The following PHACTR2 variants were observed in gnomAD, a reference collection of about 807,000 sequenced individuals.
PHACTR2 encodes the protein phosphatase and actin regulator 2.
Under a neutral mutation model 76.0 loss-of-function variants are expected in PHACTR2, and 30 were observed. That is an observed-to-expected ratio of 0.39 (90% CI 0.30 to 0.54). PHACTR2 has a LOEUF of 0.54. Ranked by LOEUF, PHACTR2 falls within the 20% of genes least tolerant of loss-of-function variation. The pLI, the probability that PHACTR2 is intolerant of heterozygous loss-of-function variation, is 0.61. For missense variants in PHACTR2, 696 were observed against 781.1 expected (o/e 0.89, Z 1.30); for synonymous variants, 292 against 292.5 (o/e 1.00, Z 0.02).
At chr6:143,727,137 C>G (rs959132257) in intron 2 of PHACTR2, among the ~76,000 whole-genome samples, 1 of 152,160 alleles carries the variant, frequency 6.6e-6, no homozygotes, top group African/African-American at 2.4e-5. Context: ...CCTCTCGTAA[C>G]TGTCATTCTA....
At chr6:143,567,648 C>T (rs1348584754) in intron 1 of PHACTR2, among the ~76,000 whole-genome samples, 1 of 152,246 alleles carries the variant, frequency 6.6e-6, no homozygotes, top group African/African-American at 2.4e-5. Context: ...ATCCACCTAC[C>T]TCTGCCTCTC....
intron 11 of PHACTR2, among the ~76,000 whole-genome samples, chr6:143,796,966 G>A (rs1182681375): frequency 6.6e-6 from 1 of 152,186 alleles, no homozygotes; most frequent in Admixed American, 6.5e-5. Context: ...TCTAGTTCTA[G>A]ATCCTTGAGG....
chr6:143,569,074 C>G (rs530724963), intron 1 of PHACTR2, among the ~76,000 whole-genome samples: 1 of 152,264 alleles, frequency 6.6e-6, no homozygotes, highest in East Asian at 1.9e-4. Context: ...TCTTCCCAAC[C>G]CATATTTGGA....
intron 1 of PHACTR2, among the ~76,000 whole-genome samples, chr6:143,693,293 A>G (rs1469675341): frequency 2.0e-5 from 3 of 152,026 alleles, no homozygotes; most frequent in Non-Finnish European, 4.4e-5. Flanking sequence ...GCTGGAGTGC[A>G]GTGGTGTGAT....
In PHACTR2 at chr6:143,743,305, G is replaced by T. The variant is rs1306139588; in HGVS notation, c.215-5680G>T. On this transcript the variant is annotated intron_variant, in intron 2 of 12. Coordinates refer to ENST00000440869, the MANE Select transcript of PHACTR2 (RefSeq NM_001100164.2). The surrounding 1 kb of genome is among the most constrained non-coding windows in gnomAD (Gnocchi z 5.0). ...ACTTTAACACCAGGCTTGCAAAAAAGAGATGGAAGGAAAGTGATGGGAAAA... is the reference window on the plus strand; with the variant it reads ...ACTTTAACACCAGGCTTGCAAAAAATAGATGGAAGGAAAGTGATGGGAAAA... Among the ~76,000 whole-genome samples, 1 of 152,214 alleles carries T rather than the reference G, an allele frequency of 6.6e-6. No individual in the cohort carries two copies. Among genetic ancestry groups the T allele is most frequent in the Non-Finnish European group, 1.5e-5 (1 of 68,034 alleles).
chr6:143,562,494 A>G lies in PHACTR2; in HGVS notation c.217+25287A>G, dbSNP rs578001705. On this transcript the variant is annotated intron_variant, in intron 1 of 11. Coordinates refer to the PHACTR2 transcript ENST00000367584. This position sits in a 1 kb window ranked among gnomAD's most constrained non-coding sequence, Gnocchi z 5.1. ...ACCAAGCCATGAGGAATCTGCTCCC[A>G]TGACGCAAACACCTCCCACCAGGCC... Among the ~76,000 whole-genome samples the G allele has an allele frequency of 7.2e-5, 11 of 152,256 alleles. No homozygotes were observed. In the South Asian group the frequency reaches 1.5e-3, roughly 20 times the overall value.
rs1006183356 is a variant in PHACTR2 at position 143,695,419 on chromosome 6, A to T, written c.47-16597A>T. 2.0e-5 allele frequency among the ~76,000 whole-genome samples: 3 copies of T among 152,260 alleles called. No homozygotes were observed. The highest frequency in any genetic ancestry group is 4.4e-5 in the Non-Finnish European group (3 of 68,056). On this transcript the variant is annotated intron_variant, in intron 1 of 12. Transcript: ENST00000440869. The surrounding 1 kb of genome is among the most constrained non-coding windows in gnomAD (Gnocchi z 4.4). ...AGTTGAGAACAGAACACTTGGATCC[A>T]AGACCCTATTTCAGATTCAACATTC...
rs1190732206 is a variant in PHACTR2, at chr6:143,688,783, G to A, written c.46+10574G>A. On this transcript the variant is annotated intron_variant, in intron 1 of 12. Transcript: ENST00000440869. The surrounding 1 kb of genome is among the most constrained non-coding windows in gnomAD (Gnocchi z 5.2). ...ACATGGACAACTGCAGTAGATTCCA[G>A]CTGCTCTCCTGCTTCTGTTCCCACC... is the stretch of plus-strand genomic sequence containing the variant. Among the ~76,000 whole-genome samples the A allele has an allele frequency of 6.6e-6, 1 of 152,150 alleles. No homozygotes were observed. The highest frequency in any genetic ancestry group is 1.5e-5 in the Non-Finnish European group (1 of 68,032).
intron 12 of PHACTR2, among the ~76,000 whole-genome samples, chr6:143,815,947 A>T (rs1776286582): frequency 6.6e-6 from 1 of 152,096 alleles, no homozygotes; most frequent in Non-Finnish European, 1.5e-5. Context: ...TTAAAATTAA[A>T]TTATAAAGGA....
intron 2 of PHACTR2, among the ~76,000 whole-genome samples, chr6:143,716,567 G>A (rs1233340382): frequency 6.6e-6 from 1 of 152,142 alleles, no homozygotes. Context: ...TCAAACTCCC[G>A]GGCTCAAGCA....
chr6:143,608,305 G>A lies in PHACTR2; in HGVS notation c.-5G>A, dbSNP rs867326436. 2.5e-6 allele frequency: 4 copies of A among 1,614,040 alleles called. No homozygotes were observed. The highest frequency in any genetic ancestry group is 3.4e-6 in the Non-Finnish European group (4 of 1,180,008). ...CTACAGAACTCGCCTCGCCACTCCT[G>A]AGACATGGACAACGCCGGTGGGTAA... On this transcript the variant is annotated 5_prime_UTR_variant, in exon 1 of 12. Coordinates refer to the PHACTR2 transcript ENST00000305766. This position sits in a 1 kb window ranked among gnomAD's most constrained non-coding sequence, Gnocchi z 4.6.
In PHACTR2 at chr6:143,793,143, T is replaced by C. The variant is rs2128480614; in HGVS notation, c.1845+4233T>C. On this transcript the variant is annotated intron_variant, in intron 11 of 12. Coordinates refer to ENST00000440869, the MANE Select transcript of PHACTR2 (RefSeq NM_001100164.2). This position sits in a 1 kb window ranked among gnomAD's most constrained non-coding sequence, Gnocchi z 4.4. ...TTGCCAAGTATGCAAGCAGGGAGAG[T>C]CTAAATGACTAACCACCCTCATGTG... Among the ~76,000 whole-genome samples the C allele has an allele frequency of 6.6e-6, 1 of 152,118 alleles. No homozygotes were observed. Among genetic ancestry groups the C allele is most frequent in the South Asian group, 2.1e-4 (1 of 4,818 alleles).
chr6:143,753,600 C>T lies in PHACTR2; in HGVS notation c.296-154C>T, dbSNP rs888395855. ...CCCCAAGACAGAGGATTTTCTAGCT[C>T]TTTTGTTTTGAATAAACCGGTGAAA... is the stretch of plus-strand genomic sequence containing the variant. On this transcript the variant is annotated intron_variant, in intron 3 of 12. Transcript: ENST00000440869. The surrounding 1 kb of genome is among the most constrained non-coding windows in gnomAD (Gnocchi z 4.6). Among the ~76,000 whole-genome samples the T allele has an allele frequency of 3.9e-5, 6 of 152,142 alleles. No individual in the cohort carries two copies. The highest frequency in any genetic ancestry group is 5.9e-5 in the Non-Finnish European group (4 of 68,014).
intron 9 of PHACTR2, among the ~76,000 whole-genome samples, chr6:143,778,462 C>A (rs1015045569): frequency 2.1e-4 from 31 of 147,566 alleles, no homozygotes; most frequent in Admixed American, 2.0e-3. Context: ...CTTTGGAATG[C>A]TTTTTTCTGG....
Position 143,683,916 on chromosome 6 carries a change from A to G in PHACTR2, c.46+5707A>G, listed in dbSNP as rs1777455451. Among the ~76,000 whole-genome samples the G allele has an allele frequency of 6.6e-6, 1 of 152,216 alleles. No homozygotes were observed. Among genetic ancestry groups the G allele is most frequent in the Admixed American group, 6.5e-5 (1 of 15,280 alleles). On this transcript the variant is annotated intron_variant, in intron 1 of 12. Coordinates refer to ENST00000440869, the MANE Select transcript of PHACTR2 (RefSeq NM_001100164.2). This position sits in a 1 kb window ranked among gnomAD's most constrained non-coding sequence, Gnocchi z 4.1. ...ATAGATATATCTTTATCAGCAGTCA[A>G]ACAAGACATACTATACTTACTGCTC...
chr6:143,552,911 A>G (rs1395285064), intron 1 of PHACTR2, among the ~76,000 whole-genome samples: 1 of 150,908 alleles, frequency 6.6e-6, no homozygotes, highest in Non-Finnish European at 1.5e-5. Flanking sequence ...AAAAAAAAGC[A>G]AAAAACTAAC....
intron 1 of PHACTR2, among the ~76,000 whole-genome samples, chr6:143,612,011 AGAAAGACAGT>A (rs1039714643): frequency 6.6e-6 from 1 of 152,206 alleles, no homozygotes; most frequent in Non-Finnish European, 1.5e-5. Context: ...GAGTTTTCAG[AGAAAGACAGT>A]GAGTTCCATT....
Position 143,553,864 on chromosome 6 carries a change from A to T in PHACTR2, c.217+16657A>T, listed in dbSNP as rs1468671114. ...TGCAGATTGCAACCTTAAGTATGGC[A>T]ACCAAGGCAGGCCCCACTGAGAAGG... On this transcript the variant is annotated intron_variant, in intron 1 of 11. Transcript: ENST00000367584. The surrounding 1 kb of genome is among the most constrained non-coding windows in gnomAD (Gnocchi z 4.2). Among the ~76,000 whole-genome samples, 1 of 152,196 alleles carries T rather than the reference A, an allele frequency of 6.6e-6. No individual in the cohort carries two copies. Among genetic ancestry groups the T allele is most frequent in the Admixed American group, 6.5e-5 (1 of 15,282 alleles).
At chr6:143,551,844 G>C (rs1448575476) in intron 1 of PHACTR2, among the ~76,000 whole-genome samples, 1 of 152,184 alleles carries the variant, frequency 6.6e-6, no homozygotes, top group Non-Finnish European at 1.5e-5. Flanking sequence ...GGGAGGCTAA[G>C]CTCTAAATGG....
Sources: gnomAD v4.1 joint callset for allele counts (sites outside exome capture counted in the v4.1 genomes callset) on GRCh38, gnomAD v4.1.1 for gene constraint, Gnocchi (gnomAD v3.1) non-coding constraint, MANE v1.5 for transcripts, NCBI Gene and HGNC (gene_info 2026-07-23, HGNC 2026-07-21) for gene names.